Variants in HCN1 observed in about 807,000 individuals in gnomAD.
HCN1 encodes hyperpolarization activated cyclic nucleotide gated potassium channel 1.
Under a neutral mutation model 78.9 loss-of-function variants are expected in HCN1, and 13 were observed. That is an observed-to-expected ratio of 0.16 (90% confidence interval 0.11 to 0.26). HCN1 has a LOEUF of 0.26. Ranked by LOEUF, HCN1 falls within the 10% of genes least tolerant of loss-of-function variation. The pLI, the probability that HCN1 is intolerant of heterozygous loss-of-function variation, is 1.00. For synonymous variants in HCN1, 552 were observed against 455.5 expected, an observed-to-expected ratio of 1.21 and a Z score of -2.70; for missense variants, 810 against 1,154.3, an observed-to-expected ratio of 0.70 and a Z score of 4.32.
intron 3 of HCN1, among the ~76,000 whole-genome samples, chr5:45,459,425 T>C (rs566451873): frequency 8.3e-4 from 120 of 143,762 alleles, no homozygotes; most frequent in Middle Eastern, 3.6e-3. Context: ...AGCCAAGAAG[T>C]GAATTGCAAA....
rs181209218 is a variant in HCN1 at position 45,449,627 on chromosome 5, C to T, written c.1011+12219G>A. 9.9e-5 allele frequency among the ~76,000 whole-genome samples: 15 copies of T among 151,064 alleles called. No homozygotes were observed. The East Asian group carries it at 1.8e-3, about 18-fold the overall frequency. On this transcript the variant is annotated intron_variant, in intron 3 of 7. Coordinates refer to ENST00000303230, the MANE Select transcript of HCN1 (RefSeq NM_021072.4). ...ATGTTTCTTTTTTTTTTCTTTATAC[C>T]GCTTTATTTCAACCTTCCCAGCATG...
At chr5:45,357,503 C>A (rs534210041) in intron 4 of HCN1, among the ~76,000 whole-genome samples, 1 of 151,908 alleles carries the variant, frequency 6.6e-6, no homozygotes, top group Admixed American at 6.6e-5. Flanking sequence ...ACATTAATTC[C>A]GCCTCCTTTT....
At chr5:45,561,966 A>C (rs1743613641) in intron 2 of HCN1, among the ~76,000 whole-genome samples, 1 of 152,172 alleles carries the variant, frequency 6.6e-6, no homozygotes. Context: ...CCTGGTTTTT[A>C]TTCTTTATAA....
chr5:45,431,791 A>G (rs1292675690), intron 3 of HCN1, among the ~76,000 whole-genome samples: 2 of 152,024 alleles, frequency 1.3e-5, no homozygotes, highest in East Asian at 3.9e-4. Context: ...CTATTGGTCT[A>G]TGTACCTTTT....
At chr5:45,489,022 C>A (rs1027882941) in intron 2 of HCN1, among the ~76,000 whole-genome samples, 1 of 152,148 alleles carries the variant, frequency 6.6e-6, no homozygotes, top group Non-Finnish European at 1.5e-5. Context: ...GAAAGTCTGG[C>A]ATGTACTCAA....
intron 2 of HCN1, among the ~76,000 whole-genome samples, chr5:45,520,703 A>G (rs1675515658): frequency 6.6e-6 from 1 of 152,004 alleles, no homozygotes; most frequent in African/African-American, 2.4e-5. Flanking sequence ...ACATTCATCT[A>G]TGCATTCATT....
chr5:45,661,120 C>T (rs1745926882), intron 1 of HCN1, among the ~76,000 whole-genome samples: 1 of 148,856 alleles, frequency 6.7e-6, no homozygotes. Context: ...GACCACGGTG[C>T]AATCAAACTA....
intron 2 of HCN1, among the ~76,000 whole-genome samples, chr5:45,593,149 T>C (rs887938722): frequency 2.0e-5 from 3 of 152,190 alleles, no homozygotes; most frequent in Non-Finnish European, 4.4e-5. Context: ...TACATACCTT[T>C]TCTTATTTTC....
At chr5:45,303,528 T>A in intron 6 of HCN1, 71 bp downstream of exon 6, 1 of 1,518,294 alleles carries the variant, frequency 6.6e-7, no homozygotes, top group Non-Finnish European at 9.1e-7. Flanking sequence ...CATGCTGACA[T>A]CTCCAAAATT....
chr5:45,485,849 A>G (rs995816740), intron 2 of HCN1, among the ~76,000 whole-genome samples: 5 of 152,180 alleles, frequency 3.3e-5, no homozygotes, highest in African/African-American at 1.2e-4. Flanking sequence ...ATCAGCAATG[A>G]TAACTACATG....
intron 2 of HCN1, among the ~76,000 whole-genome samples, chr5:45,609,413 T>C (rs1244730269): frequency 6.6e-6 from 1 of 152,112 alleles, no homozygotes; most frequent in Non-Finnish European, 1.5e-5. Flanking sequence ...AACTGTTGCA[T>C]TTTTTCCCTT....
chr5:45,493,395 C>T (rs1741938804), intron 2 of HCN1, among the ~76,000 whole-genome samples: 1 of 151,774 alleles, frequency 6.6e-6, no homozygotes, highest in South Asian at 2.1e-4. Context: ...GTCTCCAAGT[C>T]CATGATTTTT....
chr5:45,419,167 G>C (rs950952814), intron 3 of HCN1, among the ~76,000 whole-genome samples: 1 of 152,140 alleles, frequency 6.6e-6, no homozygotes, highest in Non-Finnish European at 1.5e-5. Context: ...AAAGGACTTT[G>C]AGCTATTATT....
In HCN1 at chr5:45,261,934, G is replaced by A. The variant is rs1283434459; in HGVS notation, c.2660C>T (p.Ala887Val). Residue 887 changes from alanine (A) to valine (V), a missense_variant, in exon 8 of 8, where the codon GCT becomes GTT. Ala to Val is a moderately conservative substitution (Grantham distance 64, BLOSUM62 0). Around this residue, in one of 6 missense-constraint regions of HCN1, gnomAD observed 398 missense variants for 381.3 expected, o/e 1.04. Coordinates refer to ENST00000303230, the MANE Select transcript of HCN1 (RefSeq NM_021072.4). ...AATCAGCAGGGATCATAAATTTGAAGCAAATCGTGGCTTTTCTGCGTCTGG... is the reference window on the plus strand; with the variant it reads ...AATCAGCAGGGATCATAAATTTGAAACAAATCGTGGCTTTTCTGCGTCTGG... ...TDPDAEKPRF[A>V]SNL 1.2e-6 allele frequency: 2 copies of A among 1,613,988 alleles called. No individual in the cohort carries two copies. Among genetic ancestry groups the A allele is most frequent in the African/African-American group, 2.7e-5 (2 of 74,898 alleles).
intron 6 of HCN1, among the ~76,000 whole-genome samples, chr5:45,274,486 G>A (rs982201977): frequency 1.3e-5 from 2 of 152,142 alleles, no homozygotes; most frequent in African/African-American, 2.4e-5. Context: ...AACAGTGCCT[G>A]TAAAAGAGTG....
Position 45,696,254 on chromosome 5 carries a change from C to A in HCN1, c.-161G>T. ...GCGGCGGCGGCTGCTGCTTCCCGAC[C>A]GCGCCGCTGCTAGCTGCGCGCCTGG... On this transcript the variant is annotated 5_prime_UTR_variant, in exon 1 of 8. Transcript: ENST00000303230. The A allele has an allele frequency of 5.4e-6, 1 of 185,562 alleles. No homozygotes were observed. The highest frequency in any genetic ancestry group is 1.7e-4 in the South Asian group (1 of 5,906). 11.5% of individuals were successfully genotyped at this position (185,562 alleles called of 1,614,324 possible). A position where few individuals can be genotyped will look rare whatever the true frequency, so the allele number is the denominator to read the frequency against.
In HCN1 at chr5:45,344,615, C is replaced by T. The variant is rs138082961; in HGVS notation, c.1377+8485G>A. ...GGCCAAAATGAAGAGGTAAAGGCCT[C>T]ATGCAAATCCAAAATAAGCAGGGCA... On this transcript the variant is annotated intron_variant, in intron 5 of 7. Transcript: ENST00000303230. Among the ~76,000 whole-genome samples the T allele has an allele frequency of 2.3e-3, 353 of 152,306 alleles. 1 individual carries two copies. The highest frequency in any genetic ancestry group is 8.0e-3 in the African/African-American group (334 of 41,576).
intron 4 of HCN1, among the ~76,000 whole-genome samples, chr5:45,353,901 G>C (rs1380626000): frequency 6.6e-6 from 1 of 151,950 alleles, no homozygotes; most frequent in Non-Finnish European, 1.5e-5. Context: ...ATTTAAACAA[G>C]TAGGCGTCAA....
At chr5:45,423,573 AT>A (rs1004320889) in intron 3 of HCN1, among the ~76,000 whole-genome samples, 16 of 151,438 alleles carry the variant, frequency 1.1e-4, no homozygotes, top group African/African-American at 3.9e-4. Flanking sequence ...ACATATTTCA[AT>A]CATATCCATT....
Sources: allele counts gnomAD v4.1 joint callset (sites outside exome capture counted in the v4.1 genomes callset), GRCh38; gene constraint gnomAD v4.1.1; regional missense constraint gnomAD v4.1.1; transcripts MANE v1.5; gene names NCBI Gene and HGNC (gene_info 2026-07-23, HGNC 2026-07-21).